NALF1: variants seen among roughly 807,000 people sequenced by gnomAD.
The protein encoded by NALF1 is NALCN channel auxiliary factor 1, also known as family with sequence similarity 155 member A.
Under a neutral mutation model 48.4 loss-of-function variants are expected in NALF1, and 3 were observed. That is an observed-to-expected ratio of 0.06 (90% CI 0.03 to 0.16). The LOEUF is 0.16. NALF1 is among the 10% of genes least tolerant of loss of function. The pLI, the probability that NALF1 is intolerant of heterozygous loss-of-function variation, is 1.00. For missense variants in NALF1, 526 were observed against 571.5 expected, an observed-to-expected ratio of 0.92 and a Z score of 0.81; for synonymous variants, 262 against 245.7, an observed-to-expected ratio of 1.07 and a Z score of -0.62.
chr13:107,171,227 A>C lies in NALF1; in HGVS notation c.1088-441T>G, dbSNP rs1416536025. Among the ~76,000 whole-genome samples, 4 of 152,206 alleles carry C rather than the reference A, an allele frequency of 2.6e-5. 1 individual carries two copies. The highest frequency in any genetic ancestry group is 2.0e-4 in the Admixed American group (3 of 15,286). ...TCATAACGTCATAGCTCTAGGAACC[A>C]TGTTATCATCGTTTCCTCTCAGAAG... On this transcript the variant is annotated intron_variant, in intron 2 of 2. Transcript: ENST00000375915.
chr13:107,541,613 C>A (rs576416805), intron 1 of NALF1, among the ~76,000 whole-genome samples: 1 of 152,166 alleles, frequency 6.6e-6, no homozygotes, highest in Admixed American at 6.6e-5. Flanking sequence ...ATGCACTGTG[C>A]CCTTCAGTTT....
chr13:107,815,788 T>C (rs558008011), intron 1 of NALF1, among the ~76,000 whole-genome samples: 209 of 152,312 alleles, frequency 1.4e-3, no homozygotes, highest in African/African-American at 4.9e-3. Context: ...AGTCATACCA[T>C]GCAATATTAT....
chr13:107,804,131 T>C (rs1418353415), intron 1 of NALF1, among the ~76,000 whole-genome samples: 1 of 152,172 alleles, frequency 6.6e-6, no homozygotes, highest in Non-Finnish European at 1.5e-5. Context: ...AAATCCTGCC[T>C]ACAAGTGCCT....
At chr13:107,735,979 A>G (rs962657185) in intron 1 of NALF1, among the ~76,000 whole-genome samples, 1 of 152,054 alleles carries the variant, frequency 6.6e-6, no homozygotes, top group Admixed American at 6.6e-5. Flanking sequence ...CATTTGCCTC[A>G]TTTTATCTTG....
intron 1 of NALF1, among the ~76,000 whole-genome samples, chr13:107,603,535 C>G (rs989351156): frequency 2.0e-5 from 3 of 151,920 alleles, no homozygotes; most frequent in Admixed American, 6.6e-5. Context: ...TATATCAAAA[C>G]AAAAAGATAA....
rs141169389 is a variant in NALF1 at position 107,791,068 on chromosome 13, T to A, written c.915+74614A>T. ...TTAAAAAGGTTGTAAAGGTGGCAAA[T>A]GGAAAAATAAAATCCACCTTTTCCT... On this transcript the variant is annotated intron_variant, in intron 1 of 2. Transcript: ENST00000375915. Among the ~76,000 whole-genome samples, 151 of 152,236 alleles carry A rather than the reference T, an allele frequency of 9.9e-4. 3 individuals carry two copies. The highest frequency in any genetic ancestry group is 7.0e-3 in the Admixed American group (107 of 15,296).
chr13:107,299,833 T>C (rs1175331489), intron 1 of NALF1, among the ~76,000 whole-genome samples: 1 of 152,168 alleles, frequency 6.6e-6, no homozygotes, highest in Non-Finnish European at 1.5e-5. Context: ...CCCTGGGAAT[T>C]TCTCCTGTTC....
intron 1 of NALF1, among the ~76,000 whole-genome samples, chr13:107,739,331 T>A (rs1000624298): frequency 1.3e-5 from 2 of 149,480 alleles, no homozygotes; most frequent in East Asian, 1.9e-4. Flanking sequence ...AAAATAAAAA[T>A]ATATATATTT....
Position 107,638,201 on chromosome 13 carries a change from A to ATATATATGTATG in NALF1, c.915+227480_915+227481insCATACATATATA, listed in dbSNP as rs372122331. On this transcript the variant is annotated intron_variant, in intron 1 of 2. Coordinates refer to ENST00000375915, the MANE Select transcript of NALF1 (RefSeq NM_001080396.3). ...TATATAAAGATTTATATATATATAT[A>ATATATATGTATG]TATATAATTTAAGATGAACATTGGG... Among the ~76,000 whole-genome samples, 141 of 110,854 alleles carry ATATATATGTATG rather than the reference A, an allele frequency of 1.3e-3. 10 individuals are homozygous for ATATATATGTATG. Among genetic ancestry groups the ATATATATGTATG allele is most frequent in the African/African-American group, 2.4e-3 (85 of 35,316 alleles). The allele number at this position is 110,854 out of a possible 152,430, so 72.7% of individuals were successfully genotyped here.
intron 1 of NALF1, among the ~76,000 whole-genome samples, chr13:107,575,899 G>C (rs938229740): frequency 6.6e-6 from 1 of 151,968 alleles, no homozygotes; most frequent in African/African-American, 2.4e-5. Context: ...TTGGGAAGAG[G>C]TGTGTGTGTC....
At chr13:107,761,570 T>C (rs1200254302) in intron 1 of NALF1, among the ~76,000 whole-genome samples, 3 of 152,148 alleles carry the variant, frequency 2.0e-5, no homozygotes, top group South Asian at 2.1e-4. Context: ...TTAGTGCCTG[T>C]CAGATTAGGT....
chr13:107,802,300 A>G (rs1384977380), intron 1 of NALF1, among the ~76,000 whole-genome samples: 1 of 152,232 alleles, frequency 6.6e-6, no homozygotes, highest in African/African-American at 2.4e-5. Flanking sequence ...TATTACCAAA[A>G]GTAGAAATGA....
chr13:107,507,801 T>C (rs564222533), intron 1 of NALF1, among the ~76,000 whole-genome samples: 152 of 152,202 alleles, frequency 1.0e-3, no homozygotes, highest in African/African-American at 3.3e-3. Context: ...AAATTGATAA[T>C]TGAAGAGCCA....
chr13:107,325,851 CACACAT>C (rs1267209745), intron 1 of NALF1, among the ~76,000 whole-genome samples: 50 of 51,980 alleles, frequency 9.6e-4, no homozygotes, highest in African/African-American at 3.7e-3. Flanking sequence ...AACACACACA[CACACAT>C]ATATATATAT....
intron 1 of NALF1, among the ~76,000 whole-genome samples, chr13:107,347,994 C>T (rs1882804604): frequency 6.6e-6 from 1 of 152,206 alleles, no homozygotes. Flanking sequence ...AAAAACATAA[C>T]CATCCCTTTG....
At chr13:107,528,657 A>G (rs756921558) in intron 1 of NALF1, among the ~76,000 whole-genome samples, 29 of 152,158 alleles carry the variant, frequency 1.9e-4, no homozygotes, top group Non-Finnish European at 3.7e-4. Context: ...TTGGGTCAAC[A>G]TAGATAACAT....
chr13:107,700,090 A>G (rs1881784710), intron 1 of NALF1, among the ~76,000 whole-genome samples: 1 of 152,160 alleles, frequency 6.6e-6, no homozygotes, highest in Admixed American at 6.5e-5. Flanking sequence ...AAAGTAATAT[A>G]TAGATTCAAT....
At chr13:107,732,451 A>C (rs904514038) in intron 1 of NALF1, among the ~76,000 whole-genome samples, 4 of 152,142 alleles carry the variant, frequency 2.6e-5, no homozygotes, top group African/African-American at 9.7e-5. Context: ...AGTTACTTAA[A>C]GCCAAACTGT....
intron 1 of NALF1, among the ~76,000 whole-genome samples, chr13:107,462,750 T>C (rs1316966369): frequency 6.6e-6 from 1 of 152,204 alleles, no homozygotes; most frequent in African/African-American, 2.4e-5. Flanking sequence ...CTACACTTTG[T>C]GGGTGTTGTC....
Sources: allele counts gnomAD v4.1 joint callset (sites outside exome capture counted in the v4.1 genomes callset), GRCh38; gene constraint gnomAD v4.1.1; transcripts MANE v1.5; gene names NCBI Gene and HGNC (gene_info 2026-07-23, HGNC 2026-07-21).